Variants in PRELID2 observed in about 807,000 individuals in gnomAD.
PRELID2 encodes PRELI domain-containing protein 2.
PRELID2 carries 25 observed loss-of-function variants against 28.4 expected under a neutral mutation model. The observed-to-expected ratio is 0.88, with a 90% confidence interval of 0.64 to 1.23. The LOEUF (loss-of-function observed/expected upper bound fraction) is 1.23, where lower values mean the gene tolerates loss of function less well. Ranked by LOEUF, PRELID2 falls within the 50% of genes most tolerant of loss-of-function variation. PRELID2 has a pLI of 0.00. For synonymous variants in PRELID2, 76 were observed against 71.6 expected (o/e 1.06, Z -0.31); for missense variants, 201 against 214.4 (o/e 0.94, Z 0.39).
intron 1 of PRELID2, among the ~76,000 whole-genome samples, chr5:145,478,465 C>T (rs746812637): frequency 6.6e-6 from 1 of 151,928 alleles, no homozygotes; most frequent in Non-Finnish European, 1.5e-5. Context: ...GCAGGAGAAT[C>T]GCTTGAACCA....
the PRELID2 span, among the ~76,000 whole-genome samples, chr5:145,246,238 T>C: frequency 2.6e-5 from 4 of 152,090 alleles, no homozygotes; most frequent in African/African-American, 9.7e-5. Context: ...ATAGAGAGTA[T>C]AGCTTCTGAC....
At chr5:145,276,303 C>T in the PRELID2 span, among the ~76,000 whole-genome samples, 26 of 152,232 alleles carry the variant, frequency 1.7e-4, no homozygotes, top group African/African-American at 5.5e-4. Flanking sequence ...CACCTTTCCA[C>T]TAAAATATCT....
chr5:145,677,219 A>G (rs1464998453), intron 1 of PRELID2, among the ~76,000 whole-genome samples: 1 of 147,314 alleles, frequency 6.8e-6, no homozygotes, highest in East Asian at 2.0e-4. Context: ...CAGTGGTGCA[A>G]TCTTGGCTCA....
chr5:145,257,384 T>A, the PRELID2 span, among the ~76,000 whole-genome samples: 1 of 152,078 alleles, frequency 6.6e-6, no homozygotes, highest in Admixed American at 6.6e-5. Flanking sequence ...GAGGAGGGTA[T>A]AATTAAAATC....
intron 1 of PRELID2, among the ~76,000 whole-genome samples, chr5:145,551,735 A>G (rs921306557): frequency 2.0e-5 from 3 of 152,240 alleles, no homozygotes; most frequent in African/African-American, 4.8e-5. Context: ...GATCAGTTTA[A>G]TAAAGAGACT....
chr5:145,793,329 G>A (rs1019786089), intron 5 of PRELID2, among the ~76,000 whole-genome samples: 2 of 152,114 alleles, frequency 1.3e-5, no homozygotes, highest in African/African-American at 4.8e-5. Context: ...GAAAAAAATA[G>A]ATATCAGATC....
the PRELID2 span, chr5:145,228,985 A>G: frequency 6.3e-7 from 1 of 1,592,320 alleles, no homozygotes; most frequent in Non-Finnish European, 8.6e-7. Context: ...GGAGCCAAAA[A>G]GGTGTTCATT....
chr5:145,410,441 G>A, the PRELID2 span, among the ~76,000 whole-genome samples: 18 of 152,162 alleles, frequency 1.2e-4, no homozygotes, highest in African/African-American at 4.3e-4. Flanking sequence ...TGCTGTTATG[G>A]AGAAATACCA....
At chr5:145,359,673 C>T in the PRELID2 span, among the ~76,000 whole-genome samples, 1 of 152,190 alleles carries the variant, frequency 6.6e-6, no homozygotes, top group South Asian at 2.1e-4. Flanking sequence ...ACTGGTACCA[C>T]ATTAGCCTCA....
the PRELID2 span, among the ~76,000 whole-genome samples, chr5:145,378,684 G>A: frequency 6.6e-6 from 1 of 152,098 alleles, no homozygotes. Context: ...GTCAGTTTCT[G>A]CATTGTTTTA....
intron 1 of PRELID2, among the ~76,000 whole-genome samples, chr5:145,661,669 A>T (rs868092999): frequency 0.035 from 4,660 of 134,848 alleles, 275 homozygotes; most frequent in African/African-American, 0.16. Context: ...AAGCCATTAA[A>T]AAAAAAAAAA....
chr5:145,683,382 G>T (rs1227602395), intron 1 of PRELID2, among the ~76,000 whole-genome samples: 1 of 152,172 alleles, frequency 6.6e-6, no homozygotes, highest in African/African-American at 2.4e-5. Flanking sequence ...ATACTGGTGT[G>T]CTAGGGCTAC....
the PRELID2 span, among the ~76,000 whole-genome samples, chr5:145,262,638 T>A: frequency 6.6e-6 from 1 of 152,072 alleles, no homozygotes; most frequent in Non-Finnish European, 1.5e-5. Context: ...AGACATATGC[T>A]GAGGGAATTT....
At chr5:145,423,129 G>C in the PRELID2 span, among the ~76,000 whole-genome samples, 2 of 151,946 alleles carry the variant, frequency 1.3e-5, no homozygotes, top group Non-Finnish European at 2.9e-5. Flanking sequence ...GGGCTTCCCT[G>C]TGAGGGTAAC....
intron 1 of PRELID2, among the ~76,000 whole-genome samples, chr5:145,531,200 G>T (rs1368806629): frequency 7.9e-5 from 12 of 152,100 alleles, no homozygotes; most frequent in Admixed American, 3.3e-4. Context: ...TGCATTGTCT[G>T]ATCTTGTGTA....
the PRELID2 span, among the ~76,000 whole-genome samples, chr5:145,372,930 CAACATAT>C: frequency 2.0e-5 from 1 of 49,724 alleles, no homozygotes; most frequent in Non-Finnish European, 3.9e-5. Flanking sequence ...TTATATATTA[CAACATAT>C]ATAATATATA....
chr5:145,606,718 G>A (rs1008368379), intron 1 of PRELID2, among the ~76,000 whole-genome samples: 1 of 151,998 alleles, frequency 6.6e-6, no homozygotes. Flanking sequence ...ATATTGGCCT[G>A]AATTTTTCTT....
the PRELID2 span, among the ~76,000 whole-genome samples, chr5:145,436,029 G>C: frequency 3.9e-5 from 6 of 152,056 alleles, no homozygotes; most frequent in Non-Finnish European, 8.8e-5. Flanking sequence ...TACAGATTTT[G>C]TCACCCATGT....
chr5:145,518,721 T>C (rs944801817), intron 1 of PRELID2, among the ~76,000 whole-genome samples: 1 of 152,218 alleles, frequency 6.6e-6, no homozygotes, highest in African/African-American at 2.4e-5. Flanking sequence ...GGTGCAATTT[T>C]TTCCACGAGG....
Sources: gnomAD v4.1 joint callset for allele counts (sites outside exome capture counted in the v4.1 genomes callset) on GRCh38, gnomAD v4.1.1 for gene constraint, MANE v1.5 for transcripts, NCBI Gene and HGNC (gene_info 2026-07-23, HGNC 2026-07-21) for gene names.